Variants in ENTPD3 observed in about 807,000 individuals in gnomAD.
The protein encoded by ENTPD3 is CD39 antigen-like 3.
ENTPD3 carries 60 observed loss-of-function variants against 51.2 expected under a neutral mutation model. That is an observed-to-expected ratio of 1.17 (90% confidence interval 0.95 to 1.45). ENTPD3 has a LOEUF of 1.45. ENTPD3 is among the 40% of genes most tolerant of loss of function. ENTPD3 has a pLI of 0.00. For missense variants in ENTPD3, 593 were observed against 641.1 expected (o/e 0.93, Z 0.81); for synonymous variants, 221 against 238.4 (o/e 0.93, Z 0.67).
In ENTPD3 at chr3:40,415,990, T is replaced by C. The variant is rs1311079867; in HGVS notation, c.748T>C (p.Tyr250His). ...CATCATGCAGGTGTCCCTGTATGGC[T>C]ACGTATACACGCTCTACACACACAG... ...SDIMQVSLYGYVYTLYTHSFQ... is the reference protein window; with the variant it reads ...SDIMQVSLYGHVYTLYTHSFQ... Residue 250 changes from tyrosine to histidine, a missense_variant, in exon 7 of 11, where the codon TAC becomes CAC. Transcript: ENST00000301825. 1 of 1,613,672 alleles carries C rather than the reference T, an allele frequency of 6.2e-7. No homozygotes were observed. The highest frequency in any genetic ancestry group is 8.5e-7 in the Non-Finnish European group (1 of 1,179,938).
chr3:40,417,970 G>A (rs566847000), intron 7 of ENTPD3, among the ~76,000 whole-genome samples: 2 of 152,066 alleles, frequency 1.3e-5, no homozygotes, highest in East Asian at 1.9e-4. Context: ...GTCTGTCTGC[G>A]TGCCTCTGTG....
intron 2 of ENTPD3, among the ~76,000 whole-genome samples, chr3:40,388,625 C>CACAT (rs1553641847): frequency 1.4e-5 from 2 of 147,788 alleles, no homozygotes; most frequent in Non-Finnish European, 3.0e-5. Context: ...CACACACACA[C>CACAT]TTCTAAGCTT....
intron 7 of ENTPD3, among the ~76,000 whole-genome samples, chr3:40,417,617 C>A (rs904185118): frequency 1.3e-5 from 2 of 152,096 alleles, no homozygotes; most frequent in Non-Finnish European, 2.9e-5. Flanking sequence ...TGGCTCCCAT[C>A]CCAACTTCCA....
intron 8 of ENTPD3, 83 bp downstream of exon 8, chr3:40,423,205 T>C (rs1400001115): frequency 6.4e-7 from 1 of 1,552,408 alleles, no homozygotes; most frequent in Admixed American, 1.8e-5. Context: ...GCTGACTTGT[T>C]AGCCACCTTC....
chr3:40,392,573 TC>T, intron 3 of ENTPD3: 1 of 133,718 alleles, frequency 7.5e-6, no homozygotes, highest in Non-Finnish European at 1.5e-5. Flanking sequence ...CCCATCTCTA[TC>T]AAAAAAAAAA....
chr3:40,395,919 A>G (rs1955186678), intron 3 of ENTPD3, among the ~76,000 whole-genome samples: 1 of 152,180 alleles, frequency 6.6e-6, no homozygotes, highest in African/African-American at 2.4e-5. Flanking sequence ...ACAGGAAAAG[A>G]AAGGGCAAAT....
At chr3:40,388,617 C>CACACAT (rs1954994990) in intron 2 of ENTPD3, among the ~76,000 whole-genome samples, 1 of 141,296 alleles carries the variant, frequency 7.1e-6, no homozygotes. Flanking sequence ...CACACACACA[C>CACACAT]ACACACACTT....
At chr3:40,391,296 A>C (rs949603487) in intron 2 of ENTPD3, 3 of 152,086 alleles carry the variant, frequency 2.0e-5, no homozygotes, top group African/African-American at 7.2e-5. Flanking sequence ...ATTATTTTTA[A>C]ATGAAATATT....
chr3:40,423,115 C>G lies in ENTPD3; in HGVS notation c.1097C>G (p.Pro366Arg), dbSNP rs149894389. The G allele has an allele frequency of 3.7e-6, 6 of 1,610,308 alleles. No individual in the cohort carries two copies. The African/African-American group carries it at 6.7e-5, about 18-fold the overall frequency. Residue 366 changes from proline (P) to arginine (R), a missense_variant, in exon 8 of 11, where the codon CCA (proline) becomes CGA (arginine). Physicochemically the swap from Pro to Arg is moderately radical, Grantham distance 103 (BLOSUM62 -2). Coordinates refer to ENST00000301825, the MANE Select transcript of ENTPD3 (RefSeq NM_001248.4). ...GTTTATCAGCCAAAGATTAAAGGGCCATTTGTGGTAAGAGCAAAACCTTCT... is the reference window on the plus strand; with the variant it reads ...GTTTATCAGCCAAAGATTAAAGGGCGATTTGTGGTAAGAGCAAAACCTTCT... The part of the protein sequence containing the change: ...DGVYQPKIKG[P>R]FVAFAGFYYT...
intron 5 of ENTPD3, among the ~76,000 whole-genome samples, chr3:40,413,716 CT>C (rs535296736): frequency 4.3e-4 from 66 of 152,244 alleles, no homozygotes; most frequent in African/African-American, 1.5e-3. Context: ...TGAATGTCTC[CT>C]TTGAATAAAT....
At chr3:40,415,781 T>G in intron 6 of ENTPD3, 59 bp from the exon 7 acceptor site, 1 of 1,416,630 alleles carries the variant, frequency 7.1e-7, no homozygotes, top group Non-Finnish European at 9.9e-7. Context: ...TGGAGAACTC[T>G]GGGCAAACAG....
chr3:40,402,145 G>C lies in ENTPD3; in HGVS notation c.286+1134G>C, dbSNP rs1258387128. 1.5e-4 allele frequency among the ~76,000 whole-genome samples: 5 copies of C among 33,432 alleles called. No individual in the cohort carries two copies. In the South Asian group the frequency reaches 7.6e-3, roughly 51 times the overall value. The allele number at this position is 33,432 out of a possible 152,430, so 21.9% of individuals were successfully genotyped here. On this transcript the variant is annotated intron_variant, in intron 4 of 10. Transcript: ENST00000301825. ...TTTCTTTTTTTTTTTTTGAGACAGA[G>C]TCTCACTCTGTTGCCCAGGCTGGAG...
chr3:40,414,062 T>C (rs1429587945), intron 5 of ENTPD3, among the ~76,000 whole-genome samples: 1 of 152,194 alleles, frequency 6.6e-6, no homozygotes, highest in Non-Finnish European at 1.5e-5. Context: ...TGGCAGCAGA[T>C]GGACGCCATA....
In ENTPD3 at chr3:40,428,437, T is replaced by A. The variant is rs1352273791; in HGVS notation, c.*929T>A. ...ATTACTTTCCCAGATCATAGACCTCTCTGCATAGTAGTCATAGGTCTTGAC... is the reference window on the plus strand; with the variant it reads ...ATTACTTTCCCAGATCATAGACCTCACTGCATAGTAGTCATAGGTCTTGAC... On this transcript the variant is annotated 3_prime_UTR_variant, in exon 11 of 11. Transcript: ENST00000301825. 6.6e-6 allele frequency: 1 copy of A among 152,170 alleles called. No homozygotes were observed. The highest frequency in any genetic ancestry group is 2.4e-5 in the African/African-American group (1 of 41,446). 9.4% of individuals were successfully genotyped at this position (152,170 alleles called of 1,614,324 possible).
At position 40,422,842 on chromosome 3, in the gene ENTPD3, A is replaced by G. The variant is rs1300942732; in HGVS notation, c.832-8A>G. 1 of 1,607,614 alleles carries G rather than the reference A, an allele frequency of 6.2e-7. No homozygotes were observed. Among genetic ancestry groups the G allele is most frequent in the South Asian group, 1.1e-5 (1 of 90,796 alleles). The stretch of plus-strand genomic sequence containing the variant: ...TACGTGTCTAACACCTTACTCTTAT[A>G]CCTACAGAATTCTCCTACCAAAAAC... On this transcript the variant is annotated splice_polypyrimidine_tract_variant and splice_region_variant and intron_variant, in intron 7 of 10. Transcript: ENST00000301825.
Position 40,387,789 on chromosome 3 carries a change from C to CT in ENTPD3, c.-12-251dup, listed in dbSNP as rs144294751. 7.2e-3 allele frequency among the ~76,000 whole-genome samples: 1,100 copies of CT among 152,232 alleles called. 11 individuals carry two copies. The highest frequency in any genetic ancestry group is 0.023 in the African/African-American group (965 of 41,522). ...GGTGGAACAATCTGCAGAAAAAGAC[C>CT]TTTTTTCGGAAAACCTTTTCAGTTT... On this transcript the variant is annotated intron_variant, in intron 1 of 10. Transcript: ENST00000301825.
rs754302619 is a variant in ENTPD3, at chr3:40,414,720, C to T, written c.477C>T (p.Ser159=). Residue 159 remains serine, a synonymous_variant, in exon 6 of 11, where the codon AGC becomes AGT. Coordinates refer to ENST00000301825, the MANE Select transcript of ENTPD3 (RefSeq NM_001248.4). The part of the protein sequence containing the change: ...NETAANEVLE[S]IQSYFKSQPF... ...CAGCAGCTAATGAAGTCCTTGAAAG[C>T]ATCCAAAGCTACTTCAAGTCCCAGC... The T allele has an allele frequency of 1.7e-5, 28 of 1,613,984 alleles. No homozygotes were observed. The highest frequency in any genetic ancestry group is 2.2e-5 in the East Asian group (1 of 44,890).
chr3:40,416,295 G>A (rs529924450), intron 7 of ENTPD3, among the ~76,000 whole-genome samples: 2 of 152,238 alleles, frequency 1.3e-5, no homozygotes, highest in East Asian at 3.9e-4. Context: ...GTAAATTTGA[G>A]TAAGAAGTCT....
At chr3:40,423,443 A>T (rs1205474562) in intron 9 of ENTPD3, 42 bp downstream of exon 9, 2 of 1,322,786 alleles carry the variant, frequency 1.5e-6, no homozygotes, top group Non-Finnish European at 2.2e-6. Context: ...GTACAAAAAA[A>T]TATGGTAGAA....
Sources: gnomAD v4.1 joint callset for allele counts (sites outside exome capture counted in the v4.1 genomes callset) on GRCh38, gnomAD v4.1.1 for gene constraint, MANE v1.5 for transcripts, NCBI Gene and HGNC (gene_info 2026-07-23, HGNC 2026-07-21) for gene names.